The following TRHDE variants were observed in gnomAD, a reference collection of about 807,000 sequenced individuals.
TRHDE encodes the protein thyrotropin-releasing hormone-degrading ectoenzyme.
TRHDE carries 72 observed loss-of-function variants against 125.7 expected under a neutral mutation model. The observed-to-expected ratio is 0.57, with a 90% CI of 0.47 to 0.70. TRHDE has a LOEUF of 0.70. Among genes scored for constraint, TRHDE ranks in the 30% least tolerant of loss-of-function variants. The pLI is 0.00. For missense variants in TRHDE, 1,110 were observed against 1,327.1 expected, an observed-to-expected ratio of 0.84 and a Z score of 2.54; for synonymous variants, 509 against 509.1, an observed-to-expected ratio of 1.00 and a Z score of 0.00.
intron 3 of TRHDE, among the ~76,000 whole-genome samples, chr12:72,436,472 G>T (rs904639307): frequency 2.6e-5 from 4 of 151,790 alleles, no homozygotes; most frequent in Non-Finnish European, 4.4e-5. Context: ...AAGACATTAT[G>T]CTAATTATTT....
Position 72,287,096 on chromosome 12 carries a change from T to G in TRHDE, c.1188+142T>G, listed in dbSNP as rs186696607. The G allele has an allele frequency of 3.3e-6, 3 of 899,838 alleles. No homozygotes were observed. The African/African-American group carries it at 5.1e-5, about 15-fold the overall frequency. 55.7% of individuals were successfully genotyped at this position (899,838 alleles called of 1,614,324 possible). A position where few individuals can be genotyped will look rare whatever the true frequency, so the allele number is the denominator to read the frequency against. The stretch of plus-strand genomic sequence containing the variant: ...TTTCTTTAATTCTTATGGGGGGGTT[T>G]TTACATATTTTACTAGTTTCAAAGT... On this transcript the variant is annotated intron_variant, in intron 2 of 18. Transcript: ENST00000261180.
chr12:72,315,254 T>C (rs751493388), intron 2 of TRHDE, among the ~76,000 whole-genome samples: 58 of 152,212 alleles, frequency 3.8e-4, no homozygotes, highest in Non-Finnish European at 7.8e-4. Flanking sequence ...CTTTAGACTC[T>C]GGTGAGATTA....
At chr12:72,328,548 G>A (rs930272816) in intron 2 of TRHDE, among the ~76,000 whole-genome samples, 1 of 151,996 alleles carries the variant, frequency 6.6e-6, no homozygotes, top group Admixed American at 6.6e-5. Flanking sequence ...CTTTATGATT[G>A]GGGGCCTTTG....
intron 3 of TRHDE, among the ~76,000 whole-genome samples, chr12:72,421,404 C>A (rs1873947249): frequency 6.6e-6 from 1 of 152,148 alleles, no homozygotes; most frequent in Admixed American, 6.6e-5. Flanking sequence ...AATAGGTACA[C>A]ATGGTCTCTC....
chr12:72,540,735 C>G (rs1338007857), intron 6 of TRHDE, among the ~76,000 whole-genome samples: 1 of 151,402 alleles, frequency 6.6e-6, no homozygotes, highest in Non-Finnish European at 1.5e-5. Context: ...ATCTAGTCCT[C>G]AGATTGAATC....
intron 6 of TRHDE, among the ~76,000 whole-genome samples, chr12:72,500,835 C>T (rs997332874): frequency 8.9e-5 from 13 of 146,750 alleles, no homozygotes; most frequent in Non-Finnish European, 1.5e-4. Flanking sequence ...TCCTGTTAGT[C>T]CTCCAACTTT....
intron 7 of TRHDE, among the ~76,000 whole-genome samples, chr12:72,545,013 G>T (rs779471428): frequency 6.6e-6 from 1 of 151,430 alleles, no homozygotes; most frequent in African/African-American, 2.4e-5. Flanking sequence ...CATTGGTTCA[G>T]CTATGAGAAA....
At chr12:72,265,228 G>A (rs1446099885) in intron 2 of TRHDE, among the ~76,000 whole-genome samples, 1 of 151,644 alleles carries the variant, frequency 6.6e-6, no homozygotes, top group Non-Finnish European at 1.5e-5. Flanking sequence ...ATTTTTTAAT[G>A]ATCAAGAAAA....
chr12:72,498,417 C>T (rs909802585), intron 5 of TRHDE, among the ~76,000 whole-genome samples: 2 of 152,092 alleles, frequency 1.3e-5, no homozygotes, highest in African/African-American at 4.8e-5. Context: ...TGTTTATCTG[C>T]TGGGCTCAAA....
intron 12 of TRHDE, among the ~76,000 whole-genome samples, chr12:72,599,063 T>G (rs180906100): frequency 6.6e-6 from 1 of 152,248 alleles, no homozygotes; most frequent in Non-Finnish European, 1.5e-5. Context: ...GGACATGACT[T>G]TATTTTTTAT....
chr12:72,411,508 AAATT>A (rs1873506711), intron 3 of TRHDE, among the ~76,000 whole-genome samples: 1 of 152,060 alleles, frequency 6.6e-6, no homozygotes, highest in African/African-American at 2.4e-5. Context: ...CTTAGAACAA[AAATT>A]AATAGAGTAA....
chr12:72,130,130 T>A (rs1875826928), intron 2 of TRHDE, among the ~76,000 whole-genome samples: 1 of 151,912 alleles, frequency 6.6e-6, no homozygotes, highest in Non-Finnish European at 1.5e-5. Flanking sequence ...TGAAACCCTG[T>A]CTCTACTAAA....
intron 17 of TRHDE, among the ~76,000 whole-genome samples, chr12:72,654,527 A>G (rs1301042159): frequency 3.9e-5 from 6 of 152,124 alleles, no homozygotes; most frequent in African/African-American, 7.2e-5. Context: ...TCTAATTCAG[A>G]CATTTTCCCT....
intron 3 of TRHDE, among the ~76,000 whole-genome samples, chr12:72,417,218 G>T (rs895504650): frequency 6.6e-6 from 1 of 151,884 alleles, no homozygotes; most frequent in East Asian, 1.9e-4. Flanking sequence ...TTGATTTTGG[G>T]TCCTGGACTA....
At position 72,609,413 on chromosome 12, in the gene TRHDE, T is replaced by A. The variant is rs564665164; in HGVS notation, c.2322-9478T>A. 4.9e-4 allele frequency among the ~76,000 whole-genome samples: 74 copies of A among 152,276 alleles called. 1 individual carries two copies. Among genetic ancestry groups the A allele is most frequent in the African/African-American group, 1.5e-3 (64 of 41,576 alleles). ...AAGAATTTGAATAACATGCAAAAAATTTTTTGAGTACTGATTTTATTTCCT... is the reference window on the plus strand; with the variant it reads ...AAGAATTTGAATAACATGCAAAAAAATTTTTGAGTACTGATTTTATTTCCT... On this transcript the variant is annotated intron_variant, in intron 12 of 18. Transcript: ENST00000261180.
chr12:72,351,386 A>G (rs1180924209), intron 2 of TRHDE, among the ~76,000 whole-genome samples: 1 of 152,096 alleles, frequency 6.6e-6, no homozygotes, highest in Non-Finnish European at 1.5e-5. Flanking sequence ...TGATGGATCC[A>G]TGGAAAATTC....
intron 2 of TRHDE, among the ~76,000 whole-genome samples, chr12:72,356,493 T>C (rs1870827619): frequency 6.6e-6 from 1 of 151,216 alleles, no homozygotes; most frequent in Non-Finnish European, 1.5e-5. Flanking sequence ...GACACGAGTT[T>C]ACCTATATAA....
At chr12:72,358,646 A>G (rs1870929796) in intron 2 of TRHDE, among the ~76,000 whole-genome samples, 1 of 151,588 alleles carries the variant, frequency 6.6e-6, no homozygotes, top group South Asian at 2.1e-4. Context: ...GGGAGAAAAT[A>G]ATTAAGATAA....
At chr12:72,231,607 C>G (rs1427696290) in intron 2 of TRHDE, among the ~76,000 whole-genome samples, 1 of 152,154 alleles carries the variant, frequency 6.6e-6, no homozygotes, top group East Asian at 1.9e-4. Flanking sequence ...AAACCAGCTT[C>G]TATGGTCTGT....
Sources: gnomAD v4.1 joint callset for allele counts (sites outside exome capture counted in the v4.1 genomes callset) on GRCh38, gnomAD v4.1.1 for gene constraint, MANE v1.5 for transcripts, NCBI Gene and HGNC (gene_info 2026-07-23, HGNC 2026-07-21) for gene names.